PKP4: variants seen among roughly 807,000 people sequenced by gnomAD.
PKP4 encodes the protein plakophilin-4.
In PKP4, 90 loss-of-function variants were observed where a neutral mutation model predicts 145.1. The ratio of observed to expected loss-of-function variants is 0.62; its 90% CI spans 0.52 to 0.74. The LOEUF (loss-of-function observed/expected upper bound fraction) is 0.74. Ranked by LOEUF, PKP4 falls within the 30% of genes least tolerant of loss-of-function variation. PKP4 has a pLI of 0.00. For synonymous variants in PKP4, 563 were observed against 577.2 expected (o/e 0.98, Z 0.35); for missense variants, 1,340 against 1,482.7 (o/e 0.90, Z 1.58).
rs754046233 is a variant in PKP4, at chr2:158,621,047, A to G, written c.338A>G (p.Asn113Ser). The change falls in exon 5 of 22, where the codon AAC becomes AGC. Residue 113 changes from asparagine (N) to serine (S), a missense_variant. Coordinates refer to ENST00000389759, the MANE Select transcript of PKP4 (RefSeq NM_003628.6). Reference protein sequence around the residue: ...PRVSDAVQPNNYLIRTEPEQG... With the variant: ...PRVSDAVQPNSYLIRTEPEQG... ...GTTTCTGACGCTGTCCAGCCCAACA[A>G]CTATCTCATCAGGACAGAGCCAGAA... The G allele has an allele frequency of 1.8e-5, 29 of 1,614,152 alleles. No homozygotes were observed. Among genetic ancestry groups the G allele is most frequent in the Non-Finnish European group, 2.5e-5 (29 of 1,180,004 alleles).
At chr2:158,611,762 A>G (rs1014634879) in intron 4 of PKP4, among the ~76,000 whole-genome samples, 4 of 152,204 alleles carry the variant, frequency 2.6e-5, no homozygotes, top group African/African-American at 7.2e-5. Flanking sequence ...GTCATTTATT[A>G]TAGCCATAAA....
intron 8 of PKP4, among the ~76,000 whole-genome samples, chr2:158,633,081 C>A (rs1416126032): frequency 6.6e-6 from 1 of 152,172 alleles, no homozygotes; most frequent in Non-Finnish European, 1.5e-5. Context: ...TTCTTTCCCT[C>A]TTGTGAAGTA....
chr2:158,633,970 C>A, intron 8 of PKP4, 100 bp from the exon 9 acceptor site: 2 of 667,342 alleles, frequency 3.0e-6, no homozygotes, highest in Non-Finnish European at 5.1e-6. Flanking sequence ...TATATAATTG[C>A]CAAAAAATAT....
At chr2:158,608,410 A>G (rs1307612283) in intron 4 of PKP4, among the ~76,000 whole-genome samples, 1 of 152,152 alleles carries the variant, frequency 6.6e-6, no homozygotes, top group Non-Finnish European at 1.5e-5. Flanking sequence ...CTCCTCAAGT[A>G]CTCAAGTACT....
At chr2:158,563,598 T>C (rs2046722124) in intron 2 of PKP4, among the ~76,000 whole-genome samples, 1 of 152,192 alleles carries the variant, frequency 6.6e-6, no homozygotes, top group African/African-American at 2.4e-5. Context: ...CCCATTTTGA[T>C]GATTATTGGG....
chr2:158,561,655 C>G (rs1468228103), intron 2 of PKP4, among the ~76,000 whole-genome samples: 1 of 152,226 alleles, frequency 6.6e-6, no homozygotes, highest in South Asian at 2.1e-4. Context: ...TGGCCCCAGG[C>G]CGACTTCCCA....
At chr2:158,509,385 G>GCCT (rs1419018805) in intron 1 of PKP4, among the ~76,000 whole-genome samples, 1 of 152,102 alleles carries the variant, frequency 6.6e-6, no homozygotes, top group Non-Finnish European at 1.5e-5. Flanking sequence ...CATCAAATCA[G>GCCT]AACAGATATC....
intron 3 of PKP4, among the ~76,000 whole-genome samples, chr2:158,583,095 G>A (rs990805162): frequency 2.6e-5 from 4 of 152,212 alleles, no homozygotes; most frequent in African/African-American, 4.8e-5. Flanking sequence ...AGAATCTTCA[G>A]AGGGAAATAT....
At chr2:158,542,485 T>G (rs1424318178) in intron 2 of PKP4, among the ~76,000 whole-genome samples, 1 of 152,210 alleles carries the variant, frequency 6.6e-6, no homozygotes, top group African/African-American at 2.4e-5. Context: ...TCATTTGATC[T>G]GCACTACAGA....
chr2:158,476,333 G>A (rs1200181474), intron 1 of PKP4, among the ~76,000 whole-genome samples: 1 of 151,996 alleles, frequency 6.6e-6, no homozygotes, highest in Non-Finnish European at 1.5e-5. Context: ...TGATTTTTAA[G>A]TTTTATTTTA....
Position 158,678,362 on chromosome 2 carries a change from C to T in PKP4, c.3257-219C>T, listed in dbSNP as rs2356506. ...TTGGGGAAACACACACAGCCTGTTT[C>T]TGCCATAGTTTTGCCATTAGCCCCC... On this transcript the variant is annotated intron_variant, in intron 20 of 21. Coordinates refer to ENST00000389759, the MANE Select transcript of PKP4 (RefSeq NM_003628.6). Among the ~76,000 whole-genome samples the T allele has an allele frequency of 0.91, 138,451 of 152,204 alleles. 63,031 individuals carry two copies. The highest frequency in any genetic ancestry group is 0.97 in the East Asian group (5,016 of 5,170).
At chr2:158,673,580 C>T (rs568711833) in intron 17 of PKP4, 97 bp from the exon 18 acceptor site, 137 of 868,548 alleles carry the variant, frequency 1.6e-4, no homozygotes, top group Non-Finnish European at 2.4e-4. Flanking sequence ...GCCCTGAGAG[C>T]GATGGCCTGT....
chr2:158,479,142 C>A (rs1313041945), intron 1 of PKP4, among the ~76,000 whole-genome samples: 1 of 151,888 alleles, frequency 6.6e-6, no homozygotes, highest in African/African-American at 2.4e-5. Context: ...TTTTTTAAAC[C>A]TTTTTAATTC....
chr2:158,532,032 G>C (rs1283762283), intron 1 of PKP4, among the ~76,000 whole-genome samples: 1 of 152,144 alleles, frequency 6.6e-6, no homozygotes, highest in Non-Finnish European at 1.5e-5. Context: ...ATCTCAGAGG[G>C]TGTGTACATC....
At chr2:158,487,563 G>A (rs1419420769) in intron 1 of PKP4, among the ~76,000 whole-genome samples, 1 of 152,182 alleles carries the variant, frequency 6.6e-6, no homozygotes, top group Admixed American at 6.5e-5. Flanking sequence ...TGAGTTTAAA[G>A]TTTTGGTTTG....
rs577869994 is a variant in PKP4, at chr2:158,489,252, G to A, written c.-6+32034G>A. On this transcript the variant is annotated intron_variant, in intron 1 of 21. Coordinates refer to ENST00000389759, the MANE Select transcript of PKP4 (RefSeq NM_003628.6). Reference sequence around the variant, plus strand: ...TTTCTCTGGGTGTTAGCATATCTGGGCTTCTCTTTTTTGAACTGCTATTTA... The same window carrying A: ...TTTCTCTGGGTGTTAGCATATCTGGACTTCTCTTTTTTGAACTGCTATTTA... Among the ~76,000 whole-genome samples, 322 of 152,036 alleles carry A rather than the reference G, an allele frequency of 2.1e-3. 1 individual carries two copies. The highest frequency in any genetic ancestry group is 7.5e-3 in the African/African-American group (310 of 41,478).
Position 158,673,902 on chromosome 2 carries a change from A to T in PKP4, c.3029A>T (p.His1010Leu). 1 of 1,610,182 alleles carries T rather than the reference A, an allele frequency of 6.2e-7. No individual in the cohort carries two copies. Among genetic ancestry groups the T allele is most frequent in the Non-Finnish European group, 8.5e-7 (1 of 1,176,384 alleles). Residue 1010 changes from histidine (H) to leucine (L), a missense_variant, in exon 19 of 22, where the codon CAT becomes CTT. Transcript: ENST00000389759. ...CTGCAGGATGGGTGGAATCAGAACC[A>T]TTTTATTACACCTGTGTCGACATTG... ...IYKKDGWNQN[H>L]FITPVSTLER... is the part of the protein sequence containing the mutation.
rs141180889 is a variant in PKP4 at position 158,498,460 on chromosome 2, A to C, written c.-5-34720A>C. Among the ~76,000 whole-genome samples the C allele has an allele frequency of 1.5e-3, 234 of 152,310 alleles. 1 individual carries two copies. The highest frequency in any genetic ancestry group is 5.4e-3 in the African/African-American group (226 of 41,574). On this transcript the variant is annotated intron_variant, in intron 1 of 21. Coordinates refer to ENST00000389759, the MANE Select transcript of PKP4 (RefSeq NM_003628.6). ...TGTTGTGAGATGCTTTAAAAATGTT[A>C]ACATTTTATCATGTTATCAGTTTTA...
intron 2 of PKP4, among the ~76,000 whole-genome samples, chr2:158,569,916 A>C (rs2047287138): frequency 6.6e-6 from 1 of 152,228 alleles, no homozygotes; most frequent in Non-Finnish European, 1.5e-5. Context: ...CTTTAAGGGA[A>C]TATCTGTTAA....
Sources: gnomAD v4.1 joint callset for allele counts (sites outside exome capture counted in the v4.1 genomes callset) on GRCh38, gnomAD v4.1.1 for gene constraint, MANE v1.5 for transcripts, NCBI Gene and HGNC (gene_info 2026-07-23, HGNC 2026-07-21) for gene names.